RYR2: variants seen among roughly 807,000 people sequenced by gnomAD.
RYR2 encodes cardiac muscle ryanodine receptor-calcium release channel.
Under a neutral mutation model 601.1 loss-of-function variants are expected in RYR2, and 227 were observed. The ratio of observed to expected loss-of-function variants is 0.38; its 90% CI spans 0.34 to 0.42. The LOEUF (loss-of-function observed/expected upper bound fraction) is 0.42, where lower values mean the gene tolerates loss of function less well. Among genes scored for constraint, RYR2 ranks in the 10% least tolerant of loss-of-function variants. The pLI, the probability that RYR2 is intolerant of heterozygous loss-of-function variation, is 1.00. For missense variants in RYR2, 4,646 were observed against 6,156.5 expected (o/e 0.75, Z 8.21); for synonymous variants, 2,223 against 2,175.1 (o/e 1.02, Z -0.61).
At chr1:237,187,849 T>G (rs983372902) in intron 1 of RYR2, among the ~76,000 whole-genome samples, 9 of 152,350 alleles carry the variant, frequency 5.9e-5, no homozygotes, top group Admixed American at 3.3e-4. Flanking sequence ...AGAACCTAAG[T>G]ACACCTTTTA....
At chr1:237,697,356 A>T (rs1327187163) in intron 63 of RYR2, among the ~76,000 whole-genome samples, 1 of 142,078 alleles carries the variant, frequency 7.0e-6, no homozygotes, top group Non-Finnish European at 1.5e-5. Context: ...TATATATATA[A>T]TATATATTTA....
intron 1 of RYR2, among the ~76,000 whole-genome samples, chr1:237,123,732 A>G (rs1047813148): frequency 7.2e-6 from 1 of 138,292 alleles, no homozygotes; most frequent in South Asian, 2.2e-4. Flanking sequence ...CAGTGGTGCA[A>G]TCTCGGCTCA....
Position 237,816,856 on chromosome 1 carries a change from C to T in RYR2, c.14434-2180C>T, listed in dbSNP as rs1350431807. Among the ~76,000 whole-genome samples, 4 of 152,240 alleles carry T rather than the reference C, an allele frequency of 2.6e-5. No individual in the cohort carries two copies. The East Asian group carries it at 7.7e-4, about 29-fold the overall frequency. ...AGCACCAAGTTTTGAAAAACTACAG[C>T]AGTAGCTTCAGGATATTTTTTTAAG... On this transcript the variant is annotated intron_variant, in intron 100 of 104. Transcript: ENST00000366574.
Position 237,781,134 on chromosome 1 carries a change from C to T in RYR2, c.11881-431C>T, listed in dbSNP as rs544711084. On this transcript the variant is annotated intron_variant, in intron 88 of 104. Transcript: ENST00000366574. ...CGTGATCTCTGCTCACTGCAACCTC[C>T]GCCTCCCAGGCTCAAGCAATTCTTG... Among the ~76,000 whole-genome samples, 5 of 152,238 alleles carry T rather than the reference C, an allele frequency of 3.3e-5. No individual in the cohort carries two copies. In the East Asian group the frequency reaches 5.8e-4, roughly 18 times the overall value.
At chr1:237,756,533 C>T (rs375708647) in intron 81 of RYR2, 146 bp downstream of exon 81, 28 of 528,864 alleles carry the variant, frequency 5.3e-5, no homozygotes, top group South Asian at 2.0e-4. Flanking sequence ...TTCACAAATA[C>T]GAGCTCTCAT....
At chr1:237,781,536 T>TATCTC in intron 88 of RYR2, 29 bp from the exon 89 acceptor site, 1 of 1,109,438 alleles carries the variant, frequency 9.0e-7, no homozygotes, top group Non-Finnish European at 1.4e-6. Context: ...TTTCTTGTAT[T>TATCTC]ATCTCAAATG....
At chr1:237,480,378 C>CAAAAAAA (rs61271895) in intron 17 of RYR2, among the ~76,000 whole-genome samples, 1 of 57,692 alleles carries the variant, frequency 1.7e-5, no homozygotes. Context: ...AAGATCATCT[C>CAAAAAAA]AAAAAAAAAA....
chr1:237,155,609 A>C (rs1264375454), intron 1 of RYR2, among the ~76,000 whole-genome samples: 5 of 152,212 alleles, frequency 3.3e-5, no homozygotes, highest in Non-Finnish European at 7.3e-5. Flanking sequence ...CTTTCACGAA[A>C]TAATGTTGAT....
chr1:237,762,466 C>T (rs1197867109), intron 84 of RYR2, among the ~76,000 whole-genome samples: 1 of 152,222 alleles, frequency 6.6e-6, no homozygotes. Context: ...AATTAGAAAT[C>T]AATTTCATTT....
chr1:237,580,119 T>C (rs553055566), intron 29 of RYR2, among the ~76,000 whole-genome samples: 1 of 151,196 alleles, frequency 6.6e-6, no homozygotes, highest in Admixed American at 6.6e-5. Flanking sequence ...CTGCTTCTGC[T>C]TGGCTCCTCC....
intron 1 of RYR2, among the ~76,000 whole-genome samples, chr1:237,264,707 T>C (rs532633908): frequency 3.3e-5 from 5 of 151,634 alleles, no homozygotes; most frequent in East Asian, 3.9e-4. Context: ...TTATTTTTTT[T>C]TTTTTGAGAC....
At chr1:237,110,818 T>A (rs1224934439) in intron 1 of RYR2, among the ~76,000 whole-genome samples, 1 of 152,234 alleles carries the variant, frequency 6.6e-6, no homozygotes, top group Admixed American at 6.5e-5. Context: ...TGAAATATTC[T>A]ATTTGGCATC....
At chr1:237,333,290 G>A (rs375933537) in intron 3 of RYR2, among the ~76,000 whole-genome samples, 3 of 152,152 alleles carry the variant, frequency 2.0e-5, no homozygotes, top group South Asian at 2.1e-4. Flanking sequence ...ATAGCTCAAC[G>A]GGGTACCGTA....
intron 19 of RYR2, among the ~76,000 whole-genome samples, chr1:237,495,288 G>A (rs560848486): frequency 5.3e-5 from 8 of 152,084 alleles, no homozygotes; most frequent in Non-Finnish European, 7.4e-5. Flanking sequence ...GCTAGCAAAT[G>A]GATGCTCAAA....
intron 17 of RYR2, among the ~76,000 whole-genome samples, chr1:237,488,419 G>C (rs1341990311): frequency 6.6e-6 from 1 of 152,164 alleles, no homozygotes. Flanking sequence ...GGGACAGCAA[G>C]CTCCCTTGGG....
intron 43 of RYR2, 145 bp from the exon 44 acceptor site, chr1:237,634,744 A>AC (rs1297890109): frequency 1.4e-5 from 8 of 580,688 alleles, no homozygotes; most frequent in Non-Finnish European, 2.1e-5. Flanking sequence ...AAATACGTAA[A>AC]ATTAAACTTT....
rs369973093 is a variant in RYR2 at position 237,074,798 on chromosome 1, G to A, written c.48+32229G>A. Among the ~76,000 whole-genome samples the A allele has an allele frequency of 3.3e-4, 50 of 152,264 alleles. 1 individual carries two copies. In the South Asian group the frequency reaches 4.4e-3, roughly 13 times the overall value. On this transcript the variant is annotated intron_variant, in intron 1 of 104. Transcript: ENST00000366574. Reference sequence around the variant, plus strand: ...TCAGAGATGATTCAGGCGATGTTACGTTGGTGTGACTGGAACTATTGTTAT... The same window carrying A: ...TCAGAGATGATTCAGGCGATGTTACATTGGTGTGACTGGAACTATTGTTAT...
chr1:237,063,067 G>T (rs904797241), intron 1 of RYR2, among the ~76,000 whole-genome samples: 2 of 151,982 alleles, frequency 1.3e-5, no homozygotes, highest in Non-Finnish European at 2.9e-5. Context: ...TAGATGATTA[G>T]GTCATGAGGG....
At chr1:237,230,161 T>A (rs1290087764) in intron 1 of RYR2, among the ~76,000 whole-genome samples, 1 of 152,196 alleles carries the variant, frequency 6.6e-6, no homozygotes, top group Non-Finnish European at 1.5e-5. Context: ...AGGACAGAAT[T>A]AAAAACAACC....
Sources: gnomAD v4.1 joint callset for allele counts (sites outside exome capture counted in the v4.1 genomes callset) on GRCh38, gnomAD v4.1.1 for gene constraint, MANE v1.5 for transcripts, NCBI Gene and HGNC (gene_info 2026-07-23, HGNC 2026-07-21) for gene names.